The following ANK2 variants were observed in gnomAD, a reference collection of about 807,000 sequenced individuals.
The protein encoded by ANK2 is ankyrin 2, also known as ankyrin-2.
In ANK2, 83 loss-of-function variants were observed where a neutral mutation model predicts 360.5. The ratio of observed to expected loss-of-function variants is 0.23; its 90% CI spans 0.19 to 0.28. The LOEUF is 0.28. Among genes scored for constraint, ANK2 ranks in the 10% least tolerant of loss-of-function variants. ANK2 has a pLI of 1.00. For missense variants in ANK2, 4,201 were observed against 4,795.7 expected (o/e 0.88, Z 3.66); for synonymous variants, 1,740 against 1,759.5 (o/e 0.99, Z 0.28).
At chr4:113,271,881 G>A (rs778831061) in intron 14 of ANK2, among the ~76,000 whole-genome samples, 8 of 152,160 alleles carry the variant, frequency 5.3e-5, no homozygotes, top group Admixed American at 1.3e-4. Context: ...GGTCCTGCTC[G>A]CAGGAAGGTC....
intron 1 of ANK2, among the ~76,000 whole-genome samples, chr4:112,903,676 A>G (rs1301737417): frequency 6.6e-6 from 1 of 152,256 alleles, no homozygotes; most frequent in Non-Finnish European, 1.5e-5. Context: ...TAATATAACA[A>G]GATTTTGGCA....
In ANK2 at chr4:113,118,406, T is replaced by C. The variant is rs566342624; in HGVS notation, c.85-56010T>C. 1.2e-4 allele frequency among the ~76,000 whole-genome samples: 18 copies of C among 152,326 alleles called. 1 individual carries two copies. The highest frequency in any genetic ancestry group is 8.3e-4 in the South Asian group (4 of 4,830). ...ATAATCCATATGCTCAATGGACTCT[T>C]TTTTTCTTCCATAATAGATATGTTT... On this transcript the variant is annotated intron_variant, in intron 1 of 45. Transcript: ENST00000357077.
intron 2 of ANK2, among the ~76,000 whole-genome samples, chr4:113,192,331 C>T (rs1229029729): frequency 6.6e-6 from 1 of 151,614 alleles, no homozygotes; most frequent in Non-Finnish European, 1.5e-5. Context: ...TTTTGCAATC[C>T]AGAGCATGCC....
At chr4:113,287,251 T>C (rs114868425) in intron 18 of ANK2, among the ~76,000 whole-genome samples, 5 of 152,346 alleles carry the variant, frequency 3.3e-5, no homozygotes, top group Non-Finnish European at 7.3e-5. Flanking sequence ...GTTGATCAGC[T>C]ATTTAAATAA....
intron 1 of ANK2, among the ~76,000 whole-genome samples, chr4:113,096,122 G>C (rs1448175086): frequency 2.0e-5 from 3 of 152,178 alleles, no homozygotes; most frequent in Non-Finnish European, 4.4e-5. Flanking sequence ...CTGACCAGGA[G>C]TTCAGTGCCT....
At chr4:112,783,806 C>T in the ANK2 span, among the ~76,000 whole-genome samples, 1 of 151,894 alleles carries the variant, frequency 6.6e-6, no homozygotes, top group Admixed American at 6.6e-5. Flanking sequence ...CCCGCCACCA[C>T]GTCCAGCTAA....
At chr4:112,964,196 G>A (rs924774961) in intron 2 of ANK2, among the ~76,000 whole-genome samples, 14 of 149,290 alleles carry the variant, frequency 9.4e-5, no homozygotes, top group African/African-American at 2.7e-4. Flanking sequence ...GAAAAGTGAG[G>A]CATCTATCCC....
intron 1 of ANK2, among the ~76,000 whole-genome samples, chr4:113,113,558 T>C (rs1267106232): frequency 6.6e-6 from 1 of 152,198 alleles, no homozygotes; most frequent in African/African-American, 2.4e-5. Context: ...GAACGGACAG[T>C]GTGCTCCTTA....
At chr4:113,347,251 AAAT>A (rs2094962326) in intron 35 of ANK2, among the ~76,000 whole-genome samples, 1 of 152,084 alleles carries the variant, frequency 6.6e-6, no homozygotes, top group African/African-American at 2.4e-5. Flanking sequence ...GAATAAAATA[AAAT>A]ATTATTTGTA....
the ANK2 span, among the ~76,000 whole-genome samples, chr4:112,757,931 GTGCAATGGCGCCGTCCTGGCCCAC>G: frequency 3.4e-5 from 5 of 146,108 alleles, no homozygotes; most frequent in Non-Finnish European, 7.8e-5. Flanking sequence ...TCAGGCTGGC[GTGCAATGGCGCCGTCCTGGCCCAC>G]TGCAACGGCG....
chr4:113,271,996 A>T (rs527535978), intron 14 of ANK2, among the ~76,000 whole-genome samples: 1 of 152,218 alleles, frequency 6.6e-6, no homozygotes, highest in Non-Finnish European at 1.5e-5. Context: ...GCACAATTAC[A>T]GGGCTTGGCA....
chr4:113,001,322 A>G (rs1210571544), intron 2 of ANK2, among the ~76,000 whole-genome samples: 1 of 137,044 alleles, frequency 7.3e-6, no homozygotes, highest in African/African-American at 2.8e-5. Context: ...CAAAAGCAAA[A>G]CTCTGTCTCA....
chr4:112,725,388 C>A, the ANK2 span, among the ~76,000 whole-genome samples: 5 of 108,756 alleles, frequency 4.6e-5, no homozygotes, highest in Non-Finnish European at 9.0e-5. Context: ...TGAGACAGAG[C>A]CTTGCTGTGT....
intron 1 of ANK2, among the ~76,000 whole-genome samples, chr4:112,833,798 C>T (rs1270826711): frequency 6.6e-6 from 1 of 152,204 alleles, no homozygotes; most frequent in Admixed American, 6.5e-5. Context: ...CCACCGCACT[C>T]GGCCGGAATG....
intron 18 of ANK2, among the ~76,000 whole-genome samples, chr4:113,283,398 A>AT (rs1050843561): frequency 4.0e-5 from 6 of 151,888 alleles, no homozygotes; most frequent in Non-Finnish European, 5.9e-5. Flanking sequence ...TAAAATACAG[A>AT]TTTTTTTCCA....
chr4:113,072,887 T>C (rs1419051878), intron 1 of ANK2, among the ~76,000 whole-genome samples: 1 of 151,084 alleles, frequency 6.6e-6, no homozygotes, highest in Non-Finnish European at 1.5e-5. Flanking sequence ...TCACAAAATG[T>C]ATGACAATTA....
intron 8 of ANK2, 136 bp from the exon 9 acceptor site, chr4:113,241,975 A>G: frequency 1.4e-6 from 1 of 722,196 alleles, no homozygotes; most frequent in African/African-American, 1.7e-5. Context: ...TTAAAAATCA[A>G]AGACATAGAA....
At chr4:112,982,251 A>T (rs552695598) in intron 2 of ANK2, among the ~76,000 whole-genome samples, 38 of 152,132 alleles carry the variant, frequency 2.5e-4, no homozygotes, top group Non-Finnish European at 4.4e-4. Context: ...TTTTAGAAAA[A>T]TGGCTCTAGT....
intron 22 of ANK2, among the ~76,000 whole-genome samples, chr4:113,294,713 T>C (rs1262653349): frequency 1.3e-5 from 2 of 152,196 alleles, no homozygotes; most frequent in East Asian, 1.9e-4. Context: ...CTGCTTGTTT[T>C]CTGAAGCAGA....
Sources: gnomAD v4.1 joint callset for allele counts (sites outside exome capture counted in the v4.1 genomes callset) on GRCh38, gnomAD v4.1.1 for gene constraint, MANE v1.5 for transcripts, NCBI Gene and HGNC (gene_info 2026-07-23, HGNC 2026-07-21) for gene names.